Variants in TSPAN15 observed in about 807,000 individuals in gnomAD.
The protein encoded by TSPAN15 is tetraspanin 15.
Under a neutral mutation model 34.5 loss-of-function variants are expected in TSPAN15, and 20 were observed. That is an observed-to-expected ratio of 0.58 (90% CI 0.41 to 0.84). The LOEUF (loss-of-function observed/expected upper bound fraction) is 0.84, where lower values mean the gene tolerates loss of function less well. TSPAN15 is among the 40% of genes least tolerant of loss of function. The pLI is 0.00. For synonymous variants in TSPAN15, 155 were observed against 153.9 expected (o/e 1.01, Z -0.05); for missense variants, 313 against 386.1 (o/e 0.81, Z 1.59).
the TSPAN15 span, among the ~76,000 whole-genome samples, chr10:69,525,339 T>C: frequency 1.4e-5 from 2 of 147,534 alleles, 1 homozygote; most frequent in Admixed American, 1.4e-4. Context: ...TATATAGACA[T>C]AAAGATTTTT....
At chr10:69,486,709 G>A (rs1311452097) in intron 3 of TSPAN15, among the ~76,000 whole-genome samples, 1 of 152,214 alleles carries the variant, frequency 6.6e-6, no homozygotes, top group Non-Finnish European at 1.5e-5. Flanking sequence ...CTGTGAAAAT[G>A]TTCATGGGAG....
At chr10:69,497,033 G>A (rs569855824) in intron 4 of TSPAN15, among the ~76,000 whole-genome samples, 2 of 152,318 alleles carry the variant, frequency 1.3e-5, no homozygotes, top group South Asian at 4.1e-4. Flanking sequence ...CAGCTGTGCA[G>A]AGCTGCCATC....
At chr10:69,494,792 C>T in intron 3 of TSPAN15, 1 of 985,446 alleles carries the variant, frequency 1.0e-6, no homozygotes, top group Non-Finnish European at 1.2e-6. Context: ...GATACTCGAC[C>T]TCCGTGCTCT....
rs146709943 is a variant in TSPAN15, at chr10:69,498,294, C to T, written c.468C>T (p.Gly156=). Reference sequence around the variant, plus strand: ...GCTTCCCTCAGTTCAAGTGCTGTGGCGGGGAGGACTACCGAGATTGGAGCA... The same window carrying T: ...GCTTCCCTCAGTTCAAGTGCTGTGGTGGGGAGGACTACCGAGATTGGAGCA... The part of the protein sequence containing the change: ...DFVQKKFKCC[G]GEDYRDWSKN... The change falls in exon 5 of 8, where the codon GGC becomes GGT. Residue 156 remains glycine (G), a synonymous_variant. Coordinates refer to ENST00000373290, the MANE Select transcript of TSPAN15 (RefSeq NM_012339.5). 2.7e-4 allele frequency: 438 copies of T among 1,613,730 alleles called. No homozygotes were observed. The highest frequency in any genetic ancestry group is 5.0e-4 in the Middle Eastern group (3 of 6,060).
At chr10:69,545,029 G>C in the TSPAN15 span, among the ~76,000 whole-genome samples, 2 of 152,180 alleles carry the variant, frequency 1.3e-5, no homozygotes, top group African/African-American at 2.4e-5. Flanking sequence ...GAGGCACAAG[G>C]ACCTGGGGTG....
the TSPAN15 span, among the ~76,000 whole-genome samples, chr10:69,538,781 A>G: frequency 6.6e-6 from 1 of 152,210 alleles, no homozygotes; most frequent in Non-Finnish European, 1.5e-5. Flanking sequence ...GAGAGCTTGC[A>G]TGCACGTGTA....
chr10:69,453,269 C>T (rs1020189154), intron 1 of TSPAN15, among the ~76,000 whole-genome samples: 1 of 152,084 alleles, frequency 6.6e-6, no homozygotes, highest in Non-Finnish European at 1.5e-5. Flanking sequence ...TTCTTGTGCC[C>T]TGGCATAGGT....
At chr10:69,465,429 T>C (rs1030220818) in intron 1 of TSPAN15, among the ~76,000 whole-genome samples, 1 of 152,184 alleles carries the variant, frequency 6.6e-6, no homozygotes, top group Non-Finnish European at 1.5e-5. Context: ...AAACTTGACT[T>C]TTTTCAGCCA....
chr10:69,461,370 T>C (rs981636606), intron 1 of TSPAN15, among the ~76,000 whole-genome samples: 5 of 152,208 alleles, frequency 3.3e-5, no homozygotes, highest in African/African-American at 9.7e-5. Flanking sequence ...AGCAAGTATT[T>C]CACTGGAGGG....
Position 69,472,220 on chromosome 10 carries a change from A to G in TSPAN15, c.97-11471A>G, listed in dbSNP as rs147530051. On this transcript the variant is annotated intron_variant, in intron 1 of 7. Coordinates refer to ENST00000373290, the MANE Select transcript of TSPAN15 (RefSeq NM_012339.5). The stretch of plus-strand genomic sequence containing the variant: ...TCATCCTCTGCCTGTCCTTGATTCC[A>G]GCTCTGCTGACCTGACCTGCTGTTC... 2.9e-3 allele frequency among the ~76,000 whole-genome samples: 436 copies of G among 152,182 alleles called. 9 individuals carry two copies. The highest frequency in any genetic ancestry group is 0.02 in the Admixed American group (313 of 15,278).
chr10:69,472,734 G>A (rs1841532814), intron 1 of TSPAN15, among the ~76,000 whole-genome samples: 1 of 152,200 alleles, frequency 6.6e-6, no homozygotes, highest in Non-Finnish European at 1.5e-5. Context: ...CATTTACTGA[G>A]CGCCTGCCGG....
At chr10:69,483,264 AGGT>A (rs1270894107) in intron 1 of TSPAN15, among the ~76,000 whole-genome samples, 1 of 152,136 alleles carries the variant, frequency 6.6e-6, no homozygotes, top group African/African-American at 2.4e-5. Flanking sequence ...CTGGGATTAC[AGGT>A]GTGAGCCACC....
rs1240783508 is a variant in TSPAN15, at chr10:69,507,552, A to G, written c.*574A>G. On this transcript the variant is annotated 3_prime_UTR_variant, in exon 8 of 8. Coordinates refer to ENST00000373290, the MANE Select transcript of TSPAN15 (RefSeq NM_012339.5). ...TTTTGTAACATTCATTTTTTTGTAC[A>G]GATAACAGGAGTTTCTGACTAATCA... The G allele has an allele frequency of 2.3e-6, 3 of 1,304,094 alleles. No homozygotes were observed. The highest frequency in any genetic ancestry group is 2.3e-5 in the Admixed American group (1 of 43,548). The allele number at this position is 1,304,094 out of a possible 1,614,324, so 80.8% of individuals were successfully genotyped here. A position where few individuals can be genotyped will look rare whatever the true frequency, so the allele number is the denominator to read the frequency against.
chr10:69,480,233 C>T (rs1168251661), intron 1 of TSPAN15, among the ~76,000 whole-genome samples: 1 of 152,086 alleles, frequency 6.6e-6, no homozygotes, highest in East Asian at 1.9e-4. Flanking sequence ...ACTACCTTAA[C>T]TCAGAAGCAC....
At position 69,506,184 on chromosome 10, in the gene TSPAN15, T is replaced by A. The variant is rs1051081164; in HGVS notation, c.679T>A (p.Phe227Ile). The A allele has an allele frequency of 7.4e-6, 12 of 1,614,056 alleles. No individual in the cohort carries two copies. Among genetic ancestry groups the A allele is most frequent in the Non-Finnish European group, 1.0e-5 (12 of 1,180,042 alleles). Residue 227 changes from phenylalanine (F) to isoleucine (I), a missense_variant, in exon 7 of 8, where the codon TTC (phenylalanine) becomes ATC (isoleucine). Phe to Ile is a conservative substitution (Grantham distance 21). Coordinates refer to ENST00000373290, the MANE Select transcript of TSPAN15 (RefSeq NM_012339.5). The surrounding 1 kb of genome is among the most constrained non-coding windows in gnomAD (Gnocchi z 4.7). Reference protein sequence around the residue: ...RGCTNAVIIWFMDNYTIMAGI... With the variant: ...RGCTNAVIIWIMDNYTIMAGI... ...CTGCACCAACGCCGTGATCATCTGG[T>A]TCATGGACAACTACACCATCATGGC...
chr10:69,511,583 T>C (rs1339544452), downstream of TSPAN15, among the ~76,000 whole-genome samples: 1 of 152,244 alleles, frequency 6.6e-6, no homozygotes, highest in Non-Finnish European at 1.5e-5. Flanking sequence ...TCAGTTCTGC[T>C]CTGATCTTAG....
the TSPAN15 span, among the ~76,000 whole-genome samples, chr10:69,543,897 G>GTGA: frequency 2.5e-5 from 3 of 121,812 alleles, no homozygotes; most frequent in Non-Finnish European, 5.4e-5. Flanking sequence ...GTGTGTGTGT[G>GTGA]TGTGTAGGGA....
intron 1 of TSPAN15, 115 bp downstream of exon 1, chr10:69,451,805 C>T (rs992576632): frequency 5.3e-6 from 4 of 751,590 alleles, no homozygotes; most frequent in Admixed American, 8.5e-5. Context: ...CGCGGGTGAG[C>T]GCGCGCGGAC....
chr10:69,466,429 T>C (rs1009183590), intron 1 of TSPAN15, among the ~76,000 whole-genome samples: 9 of 152,148 alleles, frequency 5.9e-5, no homozygotes, highest in African/African-American at 2.2e-4. Context: ...AGCTGGGCCA[T>C]GGGGGAACAT....
Sources: allele counts gnomAD v4.1 joint callset (sites outside exome capture counted in the v4.1 genomes callset), GRCh38; gene constraint gnomAD v4.1.1; non-coding constraint Gnocchi (gnomAD v3.1); transcripts MANE v1.5; gene names NCBI Gene and HGNC (gene_info 2026-07-23, HGNC 2026-07-21).